The following BMPR1B variants were observed in gnomAD, a reference collection of about 807,000 sequenced individuals.
BMPR1B encodes the protein bone morphogenetic protein receptor type-1B.
Under a neutral mutation model 59.1 loss-of-function variants are expected in BMPR1B, and 12 were observed. The observed-to-expected ratio is 0.20, with a 90% CI of 0.13 to 0.33. BMPR1B has a LOEUF of 0.33. Among genes scored for constraint, BMPR1B ranks in the 10% least tolerant of loss-of-function variants. The pLI is 1.00. For missense variants in BMPR1B, 550 were observed against 610.9 expected (o/e 0.90, Z 1.05); for synonymous variants, 237 against 207.3 (o/e 1.14, Z -1.23).
intron 3 of BMPR1B, among the ~76,000 whole-genome samples, chr4:95,078,673 C>T (rs1728888460): frequency 6.6e-6 from 1 of 152,212 alleles, no homozygotes; most frequent in Non-Finnish European, 1.5e-5. Context: ...AACCCTCTCA[C>T]ATGCATGTTC....
chr4:94,859,148 A>G (rs1470347938), intron 1 of BMPR1B, among the ~76,000 whole-genome samples: 2 of 152,186 alleles, frequency 1.3e-5, no homozygotes, highest in Non-Finnish European at 2.9e-5. Context: ...TCTAGAGCCA[A>G]CTAAATTGGG....
At chr4:94,788,128 T>G (rs544103573) in intron 1 of BMPR1B, among the ~76,000 whole-genome samples, 1 of 152,176 alleles carries the variant, frequency 6.6e-6, no homozygotes, top group Non-Finnish European at 1.5e-5. Context: ...CCCTGCAGTC[T>G]TAAGCTCTCC....
intron 3 of BMPR1B, among the ~76,000 whole-genome samples, chr4:95,046,798 C>CA (rs139510715): frequency 9.9e-4 from 151 of 152,262 alleles, no homozygotes; most frequent in African/African-American, 3.2e-3. Context: ...AATTAACTTG[C>CA]AAAATTAAGT....
chr4:95,049,424 T>G (rs1019208294), intron 3 of BMPR1B, among the ~76,000 whole-genome samples: 5 of 2,914 alleles, frequency 1.7e-3, no homozygotes, highest in South Asian at 0.024. Context: ...TAAAAGTTTT[T>G]TTTTTTTTTT....
intron 3 of BMPR1B, among the ~76,000 whole-genome samples, chr4:95,012,037 A>G (rs1174127019): frequency 2.0e-5 from 3 of 151,292 alleles, no homozygotes; most frequent in Admixed American, 2.0e-4. Flanking sequence ...CAACAACAAC[A>G]ACAAAAAAAA....
chr4:94,945,519 C>T (rs565695694), intron 2 of BMPR1B, among the ~76,000 whole-genome samples: 2 of 152,268 alleles, frequency 1.3e-5, no homozygotes, highest in South Asian at 4.1e-4. Flanking sequence ...ACTGCAACCT[C>T]TAACCCTGGC....
chr4:94,949,193 A>G (rs1222635775), intron 2 of BMPR1B, among the ~76,000 whole-genome samples: 3 of 151,974 alleles, frequency 2.0e-5, no homozygotes, highest in Non-Finnish European at 4.4e-5. Flanking sequence ...CTCATTGTTC[A>G]ATTCCCATTT....
At chr4:95,031,077 A>T (rs1443230997) in intron 3 of BMPR1B, among the ~76,000 whole-genome samples, 2 of 152,088 alleles carry the variant, frequency 1.3e-5, no homozygotes, top group African/African-American at 4.8e-5. Flanking sequence ...ATCCTAAGCC[A>T]AAAGAACAAA....
At chr4:94,917,437 C>A (rs540708240) in intron 2 of BMPR1B, among the ~76,000 whole-genome samples, 1 of 152,322 alleles carries the variant, frequency 6.6e-6, no homozygotes, top group Non-Finnish European at 1.5e-5. Flanking sequence ...GAGAGCCCAC[C>A]TCTTGCAGCA....
intron 3 of BMPR1B, among the ~76,000 whole-genome samples, chr4:94,997,019 A>G (rs1225824777): frequency 6.6e-6 from 1 of 152,206 alleles, no homozygotes; most frequent in East Asian, 1.9e-4. Flanking sequence ...AGCTCATGAA[A>G]TATATATACT....
chr4:94,776,232 C>A (rs2110579366), intron 1 of BMPR1B, among the ~76,000 whole-genome samples: 1 of 151,802 alleles, frequency 6.6e-6, no homozygotes, highest in South Asian at 2.1e-4. Context: ...TTTTAAAAAT[C>A]ACTCTAATAA....
intron 3 of BMPR1B, among the ~76,000 whole-genome samples, chr4:95,011,738 G>A (rs1723240418): frequency 6.6e-6 from 1 of 152,132 alleles, no homozygotes; most frequent in Admixed American, 6.6e-5. Flanking sequence ...AAAAGATGGG[G>A]TTGGGTGCAG....
intron 1 of BMPR1B, among the ~76,000 whole-genome samples, chr4:94,874,217 GGTT>G (rs143563984): frequency 0.03 from 4,520 of 152,032 alleles, 135 homozygotes; most frequent in African/African-American, 0.073. Context: ...TGGACATTTG[GGTT>G]GTTTTCAGCT....
At chr4:95,028,692 T>G (rs1380897291) in intron 3 of BMPR1B, among the ~76,000 whole-genome samples, 2 of 152,178 alleles carry the variant, frequency 1.3e-5, no homozygotes, top group African/African-American at 4.8e-5. Flanking sequence ...GCTTTAAATT[T>G]TTAAAAGATG....
intron 3 of BMPR1B, among the ~76,000 whole-genome samples, chr4:95,067,647 T>G (rs951518451): frequency 3.9e-5 from 6 of 152,224 alleles, no homozygotes; most frequent in Non-Finnish European, 8.8e-5. Flanking sequence ...TATTTTACCT[T>G]TAAGTCTGAG....
chr4:94,945,022 C>T (rs1194234701), intron 2 of BMPR1B, among the ~76,000 whole-genome samples: 1 of 152,124 alleles, frequency 6.6e-6, no homozygotes, highest in African/African-American at 2.4e-5. Context: ...CCAAACTCAG[C>T]TGTGAAACTG....
rs545969752 is a variant in BMPR1B, at chr4:95,108,007, G to T, written c.143+3440G>T. On this transcript the variant is annotated intron_variant, in intron 4 of 12. Coordinates refer to ENST00000515059, the MANE Select transcript of BMPR1B (RefSeq NM_001203.3). ...TACCCTCCAAATCGGTACTTCTCAGGCTATCTCTAGTGAAAGATAATTTTC... is the reference window on the plus strand; with the variant it reads ...TACCCTCCAAATCGGTACTTCTCAGTCTATCTCTAGTGAAAGATAATTTTC... 3.0e-4 allele frequency among the ~76,000 whole-genome samples: 46 copies of T among 151,970 alleles called. No individual in the cohort carries two copies. In the South Asian group the frequency reaches 8.7e-3, roughly 29 times the overall value.
At chr4:94,938,462 TCC>T (rs1729397894) in intron 2 of BMPR1B, among the ~76,000 whole-genome samples, 1 of 151,268 alleles carries the variant, frequency 6.6e-6, no homozygotes, top group Non-Finnish European at 1.5e-5. Flanking sequence ...ACCACTGCAC[TCC>T]CCACTGGGTC....
intron 2 of BMPR1B, among the ~76,000 whole-genome samples, chr4:94,906,741 A>G (rs574292562): frequency 1.3e-5 from 2 of 152,060 alleles, no homozygotes; most frequent in Admixed American, 6.6e-5. Context: ...GAAGACAATC[A>G]TATATTTAGG....
Sources: allele counts gnomAD v4.1 joint callset (sites outside exome capture counted in the v4.1 genomes callset), GRCh38; gene constraint gnomAD v4.1.1; transcripts MANE v1.5; gene names NCBI Gene and HGNC (gene_info 2026-07-23, HGNC 2026-07-21).